Variants in AJAP1 observed in about 807,000 individuals in gnomAD.
The protein encoded by AJAP1 is adherens junctions associated protein 1.
In AJAP1, 5 loss-of-function variants were observed where a neutral mutation model predicts 35.0. The observed-to-expected ratio is 0.14, with a 90% CI of 0.07 to 0.30. The LOEUF is 0.30. Among genes scored for constraint, AJAP1 ranks in the 10% least tolerant of loss-of-function variants. The pLI, the probability that AJAP1 is intolerant of heterozygous loss-of-function variation, is 1.00. For missense variants in AJAP1, 586 were observed against 571.0 expected (o/e 1.03, Z -0.27); for synonymous variants, 284 against 249.3 (o/e 1.14, Z -1.31).
intron 2 of AJAP1, among the ~76,000 whole-genome samples, chr1:4,752,055 A>G (rs1641331507): frequency 6.6e-6 from 1 of 152,016 alleles, no homozygotes; most frequent in African/African-American, 2.4e-5. Context: ...ACTGCAAAGT[A>G]TAGGGCTCAG....
In AJAP1 at chr1:4,672,206, G is replaced by A. The variant is rs950962071; in HGVS notation, c.29+16752G>A. 2.0e-5 allele frequency among the ~76,000 whole-genome samples: 3 copies of A among 152,162 alleles called. No homozygotes were observed. In the South Asian group the frequency reaches 6.2e-4, roughly 31 times the overall value. ...GAGTCACTTGGGCCCTGTAGAGCTGGACTTTATTGCCACCAAATGTCACTG... is the reference window on the plus strand; with the variant it reads ...GAGTCACTTGGGCCCTGTAGAGCTGAACTTTATTGCCACCAAATGTCACTG... On this transcript the variant is annotated intron_variant, in intron 1 of 5. Coordinates refer to ENST00000378191, the MANE Select transcript of AJAP1 (RefSeq NM_018836.4).
At chr1:4,737,816 C>T (rs897668479) in intron 2 of AJAP1, among the ~76,000 whole-genome samples, 10 of 152,208 alleles carry the variant, frequency 6.6e-5, no homozygotes, top group Admixed American at 2.6e-4. Flanking sequence ...GCAGGTGGAT[C>T]GCTTGAGCCC....
Position 4,790,013 on chromosome 1 carries a change from A to C in AJAP1, c.*7528A>C, listed in dbSNP as rs2100387110. 1 of 152,382 alleles carries C rather than the reference A, an allele frequency of 6.6e-6. No individual in the cohort carries two copies. Among genetic ancestry groups the C allele is most frequent in the Middle Eastern group, 3.4e-3 (1 of 294 alleles). 9.4% of individuals were successfully genotyped at this position (152,382 alleles called of 1,614,324 possible). A position where few individuals can be genotyped will look rare whatever the true frequency, so the allele number is the denominator to read the frequency against. ...TCTTGTTCACTCTTCAGTCATCCCA[A>C]GCCAAAAGGGAAAATTCGAAACCCA... On this transcript the variant is annotated 3_prime_UTR_variant, in exon 6 of 6. Coordinates refer to ENST00000378191, the MANE Select transcript of AJAP1 (RefSeq NM_018836.4).
intron 2 of AJAP1, among the ~76,000 whole-genome samples, chr1:4,763,147 A>G (rs1641610004): frequency 6.6e-6 from 1 of 152,176 alleles, no homozygotes; most frequent in Admixed American, 6.5e-5. Context: ...CTCTGCCAGC[A>G]TCTTTGGCCC....
intron 1 of AJAP1, among the ~76,000 whole-genome samples, chr1:4,679,777 T>A (rs894552337): frequency 3.3e-5 from 5 of 151,662 alleles, no homozygotes; most frequent in African/African-American, 1.2e-4. Flanking sequence ...GTTGTATTAA[T>A]CAGGGTTCTG....
chr1:4,725,547 A>T (rs1471520264), intron 2 of AJAP1, among the ~76,000 whole-genome samples: 2 of 152,134 alleles, frequency 1.3e-5, no homozygotes, highest in African/African-American at 4.8e-5. Flanking sequence ...GAGAACTCAG[A>T]ATGTCCAGGA....
At chr1:4,700,395 G>A (rs1017657074) in intron 1 of AJAP1, among the ~76,000 whole-genome samples, 17 of 152,088 alleles carry the variant, frequency 1.1e-4, no homozygotes, top group African/African-American at 3.9e-4. Flanking sequence ...TCTGCCTGAG[G>A]CCTGGGCCTC....
rs558178584 is a variant in AJAP1 at position 4,727,470 on chromosome 1, AC to A, written c.829+14775del. On this transcript the variant is annotated intron_variant, in intron 2 of 5. Transcript: ENST00000378191. Reference sequence around the variant, plus strand: ...GGGCCTCTCCAGTTATGCTGCGCTGACCCCGTCTGTGTCTGTAGCACTTGGT... The same window carrying A: ...GGGCCTCTCCAGTTATGCTGCGCTGACCCGTCTGTGTCTGTAGCACTTGGT... Among the ~76,000 whole-genome samples the A allele has an allele frequency of 2.7e-4, 41 of 152,108 alleles. No individual in the cohort carries two copies. In the South Asian group the frequency reaches 8.5e-3, roughly 32 times the overall value.
At chr1:4,728,863 T>C (rs1640734124) in intron 2 of AJAP1, among the ~76,000 whole-genome samples, 1 of 152,094 alleles carries the variant, frequency 6.6e-6, no homozygotes, top group Admixed American at 6.5e-5. Context: ...CTCTCTGTCA[T>C]TGCTCCCTAT....
chr1:4,677,712 G>C (rs958249899), intron 1 of AJAP1, among the ~76,000 whole-genome samples: 8 of 150,890 alleles, frequency 5.3e-5, no homozygotes, highest in Admixed American at 2.7e-4. Context: ...TGATATTCCA[G>C]GTAATGCTCC....
chr1:4,665,424 T>G (rs1296364912), intron 1 of AJAP1, among the ~76,000 whole-genome samples: 4 of 152,132 alleles, frequency 2.6e-5, no homozygotes, highest in Admixed American at 2.6e-4. Context: ...CTGGAGGGTC[T>G]CTTTGAACAC....
intron 1 of AJAP1, among the ~76,000 whole-genome samples, chr1:4,671,809 A>G (rs963648022): frequency 6.6e-6 from 1 of 152,206 alleles, no homozygotes; most frequent in Non-Finnish European, 1.5e-5. Flanking sequence ...CAGAAAATGT[A>G]ATTAATGGAA....
At chr1:4,721,765 C>T (rs1570155588) in intron 2 of AJAP1, among the ~76,000 whole-genome samples, 2 of 152,140 alleles carry the variant, frequency 1.3e-5, no homozygotes, top group African/African-American at 4.8e-5. Flanking sequence ...AGCCAGTGCC[C>T]GAGTTTGTGA....
At chr1:4,760,056 C>T (rs1641528525) in intron 2 of AJAP1, among the ~76,000 whole-genome samples, 1 of 152,190 alleles carries the variant, frequency 6.6e-6, no homozygotes, top group African/African-American at 2.4e-5. Flanking sequence ...TGGAACTTCT[C>T]AAATGATAGC....
intron 1 of AJAP1, among the ~76,000 whole-genome samples, chr1:4,657,358 G>A (rs1457253184): frequency 2.0e-5 from 3 of 152,016 alleles, no homozygotes; most frequent in South Asian, 2.1e-4. Flanking sequence ...CTTTAAGGAC[G>A]AGCTGTCACC....
rs1327025330 is a variant in AJAP1 at position 4,723,238 on chromosome 1, G to A, written c.829+10539G>A. On this transcript the variant is annotated intron_variant, in intron 2 of 5. Transcript: ENST00000378191. The surrounding 1 kb of genome is among the most constrained non-coding windows in gnomAD (Gnocchi z 4.3). ...GAGCAGCAGATTGGAAGGAGCCCTTGGGACGGGACCTTCACTCTTGTGACA... is the reference window on the plus strand; with the variant it reads ...GAGCAGCAGATTGGAAGGAGCCCTTAGGACGGGACCTTCACTCTTGTGACA... Among the ~76,000 whole-genome samples the A allele has an allele frequency of 2.0e-5, 3 of 152,202 alleles. No individual in the cohort carries two copies. The highest frequency in any genetic ancestry group is 4.1e-4 in the South Asian group (2 of 4,826).
intron 3 of AJAP1, among the ~76,000 whole-genome samples, 173 bp downstream of exon 3, chr1:4,770,113 C>G (rs569765759): frequency 1.3e-5 from 2 of 152,344 alleles, no homozygotes; most frequent in South Asian, 4.1e-4. Flanking sequence ...TGGCCCGGCC[C>G]CTCTCCTGGT....
At position 4,693,755 on chromosome 1, in the gene AJAP1, TC is replaced by T. The variant is rs2100231119; in HGVS notation, c.30-18142del. On this transcript the variant is annotated intron_variant, in intron 1 of 5. Coordinates refer to ENST00000378191, the MANE Select transcript of AJAP1 (RefSeq NM_018836.4). This position sits in a 1 kb window ranked among gnomAD's most constrained non-coding sequence, Gnocchi z 4.4. ...CTCGCTGGGGCTTCTTGCTGTGTAATCCCGTGGTGGAAGCAGGAGGGCAAGA... is the reference window on the plus strand; with the variant it reads ...CTCGCTGGGGCTTCTTGCTGTGTAATCCGTGGTGGAAGCAGGAGGGCAAGA... Among the ~76,000 whole-genome samples the T allele has an allele frequency of 6.6e-6, 1 of 152,146 alleles. No homozygotes were observed. Among genetic ancestry groups the T allele is most frequent in the East Asian group, 1.9e-4 (1 of 5,158 alleles).
At position 4,656,947 on chromosome 1, in the gene AJAP1, C is replaced by T. The variant is rs1395480655; in HGVS notation, c.29+1493C>T. On this transcript the variant is annotated intron_variant, in intron 1 of 5. Transcript: ENST00000378191. This position sits in a 1 kb window ranked among gnomAD's most constrained non-coding sequence, Gnocchi z 5.7. The stretch of plus-strand genomic sequence containing the variant: ...AGGTGCCCTGGAGGCCTGCCATCCC[C>T]TGCTCTGCCCCGGACTGTCCCAGGT... Among the ~76,000 whole-genome samples the T allele has an allele frequency of 1.3e-5, 2 of 152,146 alleles. No individual in the cohort carries two copies. Among genetic ancestry groups the T allele is most frequent in the Non-Finnish European group, 2.9e-5 (2 of 68,028 alleles).
Sources: allele counts gnomAD v4.1 joint callset (sites outside exome capture counted in the v4.1 genomes callset), GRCh38; gene constraint gnomAD v4.1.1; non-coding constraint Gnocchi (gnomAD v3.1); transcripts MANE v1.5; gene names NCBI Gene and HGNC (gene_info 2026-07-23, HGNC 2026-07-21).